DSCC1: variants seen among roughly 807,000 people sequenced by gnomAD.
DSCC1 encodes the protein DNA replication and sister chromatid cohesion 1.
A neutral mutation model predicts 48.2 loss-of-function variants in DSCC1; 32 were observed. The ratio of observed to expected loss-of-function variants is 0.66; its 90% CI spans 0.50 to 0.89. DSCC1 has a LOEUF of 0.89. DSCC1 is among the 40% of genes least tolerant of loss of function. The pLI, the probability that DSCC1 is intolerant of heterozygous loss-of-function variation, is 0.00. For synonymous variants in DSCC1, 150 were observed against 171.5 expected, an observed-to-expected ratio of 0.87 and a Z score of 0.98; for missense variants, 421 against 471.7, an observed-to-expected ratio of 0.89 and a Z score of 1.00.
intron 3 of DSCC1, 70 bp from the exon 4 acceptor site, chr8:119,847,150 G>A (rs1263401094): frequency 7.5e-7 from 1 of 1,326,378 alleles, no homozygotes; most frequent in African/African-American, 1.4e-5. Flanking sequence ...GCTGAATATT[G>A]AGGAATAAAT....
intron 4 of DSCC1, among the ~76,000 whole-genome samples, chr8:119,844,435 C>A (rs1164865439): frequency 0.012 from 1,209 of 103,134 alleles, no homozygotes; most frequent in Middle Eastern, 0.019. Context: ...AGACTGTCTC[C>A]AAAAAAAAAA....
At chr8:119,843,556 C>A in intron 5 of DSCC1, 53 bp downstream of exon 5, 1 of 1,566,184 alleles carries the variant, frequency 6.4e-7, no homozygotes. Flanking sequence ...ATCTGTAAAA[C>A]AACTCCCTTC....
chr8:119,855,750 T>C lies in DSCC1; in HGVS notation c.46A>G (p.Lys16Glu). ...DEVDATLQIA[K>E]LNAAELLPAV... ...GGCAGCAGCTCGGCCGCATTCAGCT[T>C]GGCGATCTGCAGCGTCGCATCCACC... The change falls in exon 1 of 9, where the codon AAG (lysine) becomes GAG (glutamate). Residue 16 changes from lysine (K) to glutamate (E), a missense_variant. Lys to Glu is a moderately conservative substitution (Grantham distance 56). Coordinates refer to ENST00000313655, the MANE Select transcript of DSCC1 (RefSeq NM_024094.3). 1 of 1,579,394 alleles carries C rather than the reference T, an allele frequency of 6.3e-7. No individual in the cohort carries two copies. Among genetic ancestry groups the C allele is most frequent in the Non-Finnish European group, 8.6e-7 (1 of 1,162,650 alleles).
At position 119,847,966 on chromosome 8, in the gene DSCC1, CTTTTTG is replaced by C. The variant is rs1427788213; in HGVS notation, c.487-892_487-887del. Among the ~76,000 whole-genome samples, 339 of 151,450 alleles carry C rather than the reference CTTTTTG, an allele frequency of 2.2e-3. 1 individual carries two copies. Among genetic ancestry groups the C allele is most frequent in the African/African-American group, 7.5e-3 (307 of 41,170 alleles). On this transcript the variant is annotated intron_variant, in intron 3 of 8. Transcript: ENST00000313655. ...AGGCGTGAGCCACCCCGCCTGGCCT[CTTTTTG>C]TTTTTGTTTTTGTTTTTTTTAAATA... is the stretch of plus-strand genomic sequence containing the variant.
intron 4 of DSCC1, among the ~76,000 whole-genome samples, chr8:119,845,091 ATTTATTTATTTG>A (rs1450083851): frequency 2.8e-5 from 4 of 140,672 alleles, no homozygotes; most frequent in South Asian, 2.2e-4. Flanking sequence ...TTATTTATTT[ATTTATTTATTTG>A]TGATGGAGTC....
In DSCC1 at chr8:119,834,708, T is replaced by C. The variant is rs1826648055; in HGVS notation, c.*185A>G. 2 of 578,534 alleles carry C rather than the reference T, an allele frequency of 3.5e-6. No homozygotes were observed. The highest frequency in any genetic ancestry group is 3.0e-5 in the East Asian group (1 of 32,794). The allele number at this position is 578,534 out of a possible 1,614,324, so 35.8% of individuals were successfully genotyped here. On this transcript the variant is annotated 3_prime_UTR_variant, in exon 9 of 9. Coordinates refer to ENST00000313655, the MANE Select transcript of DSCC1 (RefSeq NM_024094.3). ...TTACACTGTGTACATAGTACAAATA[T>C]AATTTTAAAGCTACATCCTATAACA...
intron 7 of DSCC1, chr8:119,839,983 A>G (rs1826743727): frequency 6.6e-6 from 1 of 152,086 alleles, no homozygotes; most frequent in Non-Finnish European, 1.5e-5. Context: ...GGCGTAGATC[A>G]CTCTGCATTG....
Position 119,842,774 on chromosome 8 carries a change from A to T in DSCC1, c.769+2T>A, listed in dbSNP as rs1826791901. On this transcript the variant is annotated splice_donor_variant, in intron 6 of 8. Transcript: ENST00000313655. LOFTEE classifies it high-confidence loss of function. ...TAAATGAGAATACTTTCCAAATCTT[A>T]CCTTCATCTACATATTTCTTCCCAT... 1 of 1,606,476 alleles carries T rather than the reference A, an allele frequency of 6.2e-7. No individual in the cohort carries two copies. The highest frequency in any genetic ancestry group is 2.2e-5 in the East Asian group (1 of 44,712).
At chr8:119,842,655 G>C (rs1826789992) in intron 6 of DSCC1, 121 bp downstream of exon 6, 4 of 826,006 alleles carry the variant, frequency 4.8e-6, no homozygotes, top group Middle Eastern at 2.4e-4. Flanking sequence ...CAAAGTGCTG[G>C]GATTATAGGT....
At chr8:119,849,793 T>C (rs941001715) in intron 3 of DSCC1, among the ~76,000 whole-genome samples, 1 of 152,182 alleles carries the variant, frequency 6.6e-6, no homozygotes, top group African/African-American at 2.4e-5. Flanking sequence ...CAAAAAAATT[T>C]TTAGAAAGAG....
At chr8:119,842,441 G>A in intron 6 of DSCC1, among the ~76,000 whole-genome samples, 1 of 150,406 alleles carries the variant, frequency 6.6e-6, no homozygotes, top group Non-Finnish European at 1.5e-5. Context: ...GAGAGCAGTG[G>A]CACAATGAAG....
At chr8:119,838,183 A>G in intron 8 of DSCC1, 76 bp downstream of exon 8, 1 of 1,439,796 alleles carries the variant, frequency 6.9e-7, no homozygotes, top group Non-Finnish European at 9.2e-7. Flanking sequence ...TTGTGTTCCA[A>G]TCATAAATCT....
chr8:119,850,215 CATT>C (rs1194653388), intron 3 of DSCC1, among the ~76,000 whole-genome samples, 164 bp downstream of exon 3: 6 of 152,192 alleles, frequency 3.9e-5, no homozygotes, highest in Middle Eastern at 3.4e-3. Flanking sequence ...ATATGGGGGT[CATT>C]ATACTATGTG....
In DSCC1 at chr8:119,855,844, T is replaced by A. The variant is rs761922545; in HGVS notation, c.-49A>T. 1 of 1,413,544 alleles carries A rather than the reference T, an allele frequency of 7.1e-7. No homozygotes were observed. The highest frequency in any genetic ancestry group is 9.2e-7 in the Non-Finnish European group (1 of 1,083,470). 87.6% of individuals were successfully genotyped at this position (1,413,544 alleles called of 1,614,324 possible). A position where few individuals can be genotyped will look rare whatever the true frequency, so the allele number is the denominator to read the frequency against. ...CGCCGCGCCCGGGTGGCTGCGGGCT[T>A]GGCGGGCAAGAAAGAAGTTCCCAAG... On this transcript the variant is annotated 5_prime_UTR_variant, in exon 1 of 9. Transcript: ENST00000313655.
chr8:119,835,677 C>T (rs958947180), intron 8 of DSCC1, among the ~76,000 whole-genome samples: 4 of 152,108 alleles, frequency 2.6e-5, no homozygotes, highest in Admixed American at 2.0e-4. Flanking sequence ...TATGACACAG[C>T]CTCTAAATTA....
chr8:119,836,228 C>A (rs7833706), intron 8 of DSCC1, among the ~76,000 whole-genome samples: 7 of 151,956 alleles, frequency 4.6e-5, no homozygotes, highest in African/African-American at 1.7e-4. Flanking sequence ...CAGGAGAATC[C>A]CTTAAACTCG....
chr8:119,843,750 A>G lies in DSCC1; in HGVS notation c.578-3T>C. Reference sequence around the variant, plus strand: ...AAATTCAAGAATCCTCCAATAACCTACAAATTTCAAAAGTTATATTTACCA... The same window carrying G: ...AAATTCAAGAATCCTCCAATAACCTGCAAATTTCAAAAGTTATATTTACCA... On this transcript the variant is annotated splice_polypyrimidine_tract_variant and splice_region_variant and intron_variant, in intron 4 of 8. Coordinates refer to ENST00000313655, the MANE Select transcript of DSCC1 (RefSeq NM_024094.3). The G allele has an allele frequency of 6.3e-7, 1 of 1,598,246 alleles. No homozygotes were observed. Among genetic ancestry groups the G allele is most frequent in the Non-Finnish European group, 8.5e-7 (1 of 1,176,212 alleles).
In DSCC1 at chr8:119,843,709, G is replaced by C. The variant is rs1193984725; in HGVS notation, c.616C>G (p.Leu206Val). 3.7e-6 allele frequency: 6 copies of C among 1,613,358 alleles called. No homozygotes were observed. Among genetic ancestry groups the C allele is most frequent in the Non-Finnish European group, 5.1e-6 (6 of 1,179,820 alleles). ...ACAAGCTGAGTTACATGATTCAGAA[G>C]TTTCATCTCATAATCAAATTCAAGA... ...RILEFDYEMK[L>V]LNHVTQLVDS... is the part of the protein sequence containing the mutation. The change falls in exon 5 of 9, where the codon CTT (leucine) becomes GTT (valine). Residue 206 changes from leucine to valine, a missense_variant. Transcript: ENST00000313655.
chr8:119,841,674 T>G lies in DSCC1; in HGVS notation c.924+120A>C, dbSNP rs933806730. ...GACTATGTGATGGATTGGATGTACA[T>G]GCACTCCTAATGGGTGTCTAAGAAA... On this transcript the variant is annotated intron_variant, in intron 7 of 8. Coordinates refer to ENST00000313655, the MANE Select transcript of DSCC1 (RefSeq NM_024094.3). The G allele has an allele frequency of 5.9e-6, 6 of 1,013,884 alleles. No individual in the cohort carries two copies. In the South Asian group the frequency reaches 7.0e-5, roughly 12 times the overall value. 62.8% of individuals were successfully genotyped at this position (1,013,884 alleles called of 1,614,324 possible).
Sources: allele counts gnomAD v4.1 joint callset (sites outside exome capture counted in the v4.1 genomes callset), GRCh38; gene constraint gnomAD v4.1.1; transcripts MANE v1.5; gene names NCBI Gene and HGNC (gene_info 2026-07-23, HGNC 2026-07-21).